Variants in SRCAP observed in about 807,000 individuals in gnomAD.
SRCAP encodes the protein Snf2 related CREBBP activator protein, also known as chromatin remodeling protein SRCAP.
A neutral mutation model predicts 263.1 loss-of-function variants in SRCAP; 46 were observed. The ratio of observed to expected loss-of-function variants is 0.17; its 90% CI spans 0.14 to 0.22. The LOEUF is 0.22. SRCAP is among the 10% of genes least tolerant of loss of function. The probability of loss-of-function intolerance (pLI) is 1.00; values close to 1 mark genes in which losing one functional copy is unlikely to be tolerated. For synonymous variants in SRCAP, 1,813 were observed against 1,662.1 expected, an observed-to-expected ratio of 1.09 and a Z score of -2.21; for missense variants, 3,695 against 4,181.9, an observed-to-expected ratio of 0.88 and a Z score of 3.21.
rs1254144161 is a variant in SRCAP at position 30,737,559 on chromosome 16, C to T, written c.7519C>T (p.Pro2507Ser). The T allele has an allele frequency of 3.7e-6, 6 of 1,613,868 alleles. No individual in the cohort carries two copies. The highest frequency in any genetic ancestry group is 2.7e-5 in the African/African-American group (2 of 74,900). ...CTGCACCCCTCCTCCTGCCTGTACCCCTCCACCAGCTCATACACCGCCTCC... is the reference window on the plus strand; with the variant it reads ...CTGCACCCCTCCTCCTGCCTGTACCTCTCCACCAGCTCATACACCGCCTCC... ...PACTPPPACT[P>S]PPAHTPPPAQ... is the part of the protein sequence containing the mutation. Residue 2507 changes from proline (P) to serine (S), a missense_variant, in exon 34 of 34, where the codon CCT (proline) becomes TCT (serine). By Grantham distance (74) the Pro-to-Ser change is moderately conservative. This residue lies in a region of SRCAP where 1,207 missense variants were observed against 1,142.9 expected (regional missense o/e 1.06). Coordinates refer to ENST00000262518, the MANE Select transcript of SRCAP (RefSeq NM_006662.3).
At chr16:30,699,524 G>T (rs766632424) in intron 1 of SRCAP, among the ~76,000 whole-genome samples, 14 of 152,184 alleles carry the variant, frequency 9.2e-5, no homozygotes, top group Non-Finnish European at 1.6e-4. Flanking sequence ...CCTGTGACCA[G>T]CCTGTTTGTT....
In SRCAP at chr16:30,709,661, G is replaced by A. The variant is rs746338184; in HGVS notation, c.782G>A (p.Gly261Asp). Residue 261 changes from glycine to aspartate, a missense_variant, in exon 7 of 34, where the codon GGC (glycine) becomes GAC (aspartate). Gly to Asp is a moderately conservative substitution (Grantham distance 94). Around this residue, in one of 12 missense-constraint regions of SRCAP, gnomAD observed 44 missense variants for 42.9 expected, o/e 1.03. Coordinates refer to ENST00000262518, the MANE Select transcript of SRCAP (RefSeq NM_006662.3). ...LNQPLTSSKA[G>D]SSPCLGSSSA... ...CAGCCATTAACCTCCAGCAAAGCAG[G>A]CTCTTCCCCTTGCCTCGGCTCTTCC... 6.2e-7 allele frequency: 1 copy of A among 1,614,152 alleles called. No individual in the cohort carries two copies. The highest frequency in any genetic ancestry group is 8.5e-7 in the Non-Finnish European group (1 of 1,180,034).
chr16:30,720,826 C>T lies in SRCAP; in HGVS notation c.3101C>T (p.Ala1034Val). 3.1e-6 allele frequency: 5 copies of T among 1,614,064 alleles called. No individual in the cohort carries two copies. Among genetic ancestry groups the T allele is most frequent in the Non-Finnish European group, 4.2e-6 (5 of 1,180,024 alleles). ...VRPPPGPELS[A>V]QPTPGPVPQV... ...CCTCCTCCAGGTCCTGAGCTCTCAG[C>T]CCAGCCCACCCCTGGCCCAGTCCCC... The change falls in exon 20 of 34, where the codon GCC becomes GTC. Residue 1034 changes from alanine (A) to valine (V), a missense_variant. Ala to Val is a moderately conservative substitution (Grantham distance 64). Transcript: ENST00000262518.
rs768710823 is a variant in SRCAP at position 30,729,449 on chromosome 16, C to T, written c.6004C>T (p.Arg2002Cys). 44 of 1,614,102 alleles carry T rather than the reference C, an allele frequency of 2.7e-5. No individual in the cohort carries two copies. Among genetic ancestry groups the T allele is most frequent in the Non-Finnish European group, 3.2e-5 (38 of 1,180,050 alleles). Reference sequence around the variant, plus strand: ...CCACCCACCTCCTTGGCTGGCCCCACGTCAGGCAGCCTTCCAGGAGCAATT... The same window carrying T: ...CCACCCACCTCCTTGGCTGGCCCCATGTCAGGCAGCCTTCCAGGAGCAATT... ...ACHPPPWLAP[R>C]QAAFQEQLAS... The change falls in exon 27 of 34, where the codon CGT becomes TGT. Residue 2002 changes from arginine (R) to cysteine (C), a missense_variant. Physicochemically the swap from Arg to Cys is radical, Grantham distance 180. Transcript: ENST00000262518.
chr16:30,707,425 T>A (rs2151286320), intron 5 of SRCAP, 57 bp downstream of exon 5: 7 of 1,602,360 alleles, frequency 4.4e-6, no homozygotes, highest in Middle Eastern at 2.0e-4. Flanking sequence ...TCCTTCCCGG[T>A]TTGTTGGAAG....
chr16:30,722,866 T>C lies in SRCAP; in HGVS notation c.3893-97T>C. On this transcript the variant is annotated intron_variant, in intron 23 of 33. Coordinates refer to ENST00000262518, the MANE Select transcript of SRCAP (RefSeq NM_006662.3). ...TGTTTTCCCTTGCGAATATCTATGATACCTGTCTGCCACCTTCTCCTGCCC... is the reference window on the plus strand; with the variant it reads ...TGTTTTCCCTTGCGAATATCTATGACACCTGTCTGCCACCTTCTCCTGCCC... 2.6e-6 allele frequency: 4 copies of C among 1,548,454 alleles called. No individual in the cohort carries two copies. In the East Asian group the frequency reaches 9.0e-5, roughly 35 times the overall value.
In SRCAP at chr16:30,737,524, C is replaced by T; in HGVS notation, c.7484C>T (p.Ser2495Phe). Reference protein sequence around the residue: ...PPPPSQIPPCSSPACTPPPAC... With the variant: ...PPPPSQIPPCFSPACTPPPAC... Reference sequence around the variant, plus strand: ...CCTCCTTCACAGATTCCTCCTTGTTCTTCTCCTGCCTGCACCCCTCCTCCT... The same window carrying T: ...CCTCCTTCACAGATTCCTCCTTGTTTTTCTCCTGCCTGCACCCCTCCTCCT... Residue 2495 changes from serine (S) to phenylalanine (F), a missense_variant, in exon 34 of 34, where the codon TCT becomes TTT. Physicochemically the swap from Ser to Phe is radical, Grantham distance 155 (BLOSUM62 -2). Transcript: ENST00000262518. The T allele has an allele frequency of 2.5e-6, 4 of 1,605,796 alleles. No individual in the cohort carries two copies. Among genetic ancestry groups the T allele is most frequent in the Non-Finnish European group, 3.4e-6 (4 of 1,172,640 alleles).
At position 30,737,931 on chromosome 16, in the gene SRCAP, A is replaced by C. The variant is rs146127771; in HGVS notation, c.7891A>C (p.Thr2631Pro). The C allele has an allele frequency of 6.2e-7, 1 of 1,614,072 alleles. No homozygotes were observed. The highest frequency in any genetic ancestry group is 1.3e-5 in the African/African-American group (1 of 75,000). ...GGAGGCACCAGATTCTGCTGAGGGGACCACCCTTACAGTGCTGCCTGAAGG... is the reference window on the plus strand; with the variant it reads ...GGAGGCACCAGATTCTGCTGAGGGGCCCACCCTTACAGTGCTGCCTGAAGG... ...EQEAPDSAEG[T>P]TLTVLPEGEE... The change falls in exon 34 of 34, where the codon ACC becomes CCC. Residue 2631 changes from threonine (T) to proline (P), a missense_variant. Around this residue, in one of 12 missense-constraint regions of SRCAP, gnomAD observed 1,207 missense variants for 1,142.9 expected, o/e 1.06. Coordinates refer to ENST00000262518, the MANE Select transcript of SRCAP (RefSeq NM_006662.3).
At position 30,707,344 on chromosome 16, in the gene SRCAP, T is replaced by C. The variant is rs768944874; in HGVS notation, c.468T>C (p.Arg156=). The part of the protein sequence containing the change: ...WLSADFAQER[R]WKRGVARKVV... ...CTGCTGACTTTGCTCAGGAGCGCCG[T>C]TGGAAACGGGGTGTGGCCCGGAAGG... Residue 156 remains arginine (R), a synonymous_variant, in exon 5 of 34, where the codon CGT becomes CGC. Coordinates refer to ENST00000262518, the MANE Select transcript of SRCAP (RefSeq NM_006662.3). The C allele has an allele frequency of 1.2e-6, 2 of 1,614,154 alleles. No individual in the cohort carries two copies. Among genetic ancestry groups the C allele is most frequent in the Admixed American group, 1.7e-5 (1 of 60,002 alleles).
At position 30,737,283 on chromosome 16, in the gene SRCAP, A is replaced by G. The variant is rs776767813; in HGVS notation, c.7243A>G (p.Ile2415Val). The G allele has an allele frequency of 6.2e-7, 1 of 1,613,966 alleles. No individual in the cohort carries two copies. Among genetic ancestry groups the G allele is most frequent in the South Asian group, 1.1e-5 (1 of 91,066 alleles). ...TCAAGGGGCAAACCACACTCCTGTC[A>G]TATCCGCCCATCAAACTCGCAGCAC... ...ETQGANHTPV[I>V]SAHQTRSTTT... The change falls in exon 34 of 34, where the codon ATA becomes GTA. Residue 2415 changes from isoleucine to valine, a missense_variant. Coordinates refer to ENST00000262518, the MANE Select transcript of SRCAP (RefSeq NM_006662.3).
At position 30,711,367 on chromosome 16, in the gene SRCAP, A is replaced by G. The variant is rs571754568; in HGVS notation, c.1319-204A>G. 2.0e-5 allele frequency among the ~76,000 whole-genome samples: 3 copies of G among 152,318 alleles called. No homozygotes were observed. The East Asian group carries it at 5.8e-4, about 29-fold the overall frequency. ...CCTTGAGAGGCTCACCAGGTTGATA[A>G]TGTTCTTCCCAATTCCCATGGTACT... On this transcript the variant is annotated intron_variant, in intron 10 of 33. Coordinates refer to ENST00000262518, the MANE Select transcript of SRCAP (RefSeq NM_006662.3).
At chr16:30,703,579 T>G (rs1315746678) in intron 3 of SRCAP, among the ~76,000 whole-genome samples, 1 of 151,978 alleles carries the variant, frequency 6.6e-6, no homozygotes, top group Non-Finnish European at 1.5e-5. Flanking sequence ...AACTTGGCTC[T>G]GCCATCTTGA....
In SRCAP at chr16:30,738,451, C is replaced by T; in HGVS notation, c.8411C>T (p.Pro2804Leu). 1 of 1,560,822 alleles carries T rather than the reference C, an allele frequency of 6.4e-7. No homozygotes were observed. Among genetic ancestry groups the T allele is most frequent in the South Asian group, 1.2e-5 (1 of 82,788 alleles). ...ATGTCAGGGCCAGAATCCTCCCCTC[C>T]CATTGGTGGGCCCTGTGAAGCTGCT... ...RSMSGPESSP[P>L]IGGPCEAAPS... The change falls in exon 34 of 34, where the codon CCC becomes CTC. Residue 2804 changes from proline (P) to leucine (L), a missense_variant. This residue lies in a region of SRCAP where 1,207 missense variants were observed against 1,142.9 expected (regional missense o/e 1.06). Transcript: ENST00000262518.
rs779332630 is a variant in SRCAP at position 30,724,143 on chromosome 16, G to C, written c.4719G>C (p.Leu1573=). Residue 1573 remains leucine, a synonymous_variant, in exon 25 of 34, where the codon CTG becomes CTC. Transcript: ENST00000262518. ...CAGCTCCAGCTCAGGCTTCCCTTCT[G>C]GCTCCAGCATCTTCTGCATCTCAGG... ...PNPAPAQASL[L]APASSASQAL... is the part of the protein sequence containing the mutation. 3 of 1,614,058 alleles carry C rather than the reference G, an allele frequency of 1.9e-6. No homozygotes were observed. The highest frequency in any genetic ancestry group is 2.5e-6 in the Non-Finnish European group (3 of 1,180,020).
Position 30,721,412 on chromosome 16 carries a change from G to A in SRCAP, c.3477G>A (p.Val1159=). 2 of 1,613,542 alleles carry A rather than the reference G, an allele frequency of 1.2e-6. No individual in the cohort carries two copies. The highest frequency in any genetic ancestry group is 1.7e-6 in the Non-Finnish European group (2 of 1,180,048). ...TTTATATTTA[V]PAPTPAPQRL... Reference sequence around the variant, plus strand: ...CGGCAACTGCTACCACCACAGCAGTGCCAGCTCCGACTCCTGCACCACAGC... The same window carrying A: ...CGGCAACTGCTACCACCACAGCAGTACCAGCTCCGACTCCTGCACCACAGC... The change falls in exon 21 of 34, where the codon GTG becomes GTA. Residue 1159 remains valine, a synonymous_variant. Transcript: ENST00000262518.
chr16:30,736,121 A>G (rs1186103126), intron 31 of SRCAP, 79 bp from the exon 32 acceptor site: 17 of 1,569,650 alleles, frequency 1.1e-5, no homozygotes, highest in Non-Finnish European at 1.5e-5. Context: ...CTTGGTCTCA[A>G]GTTCTTGCCT....
chr16:30,734,257 C>G, intron 30 of SRCAP: 1 of 629,948 alleles, frequency 1.6e-6, no homozygotes, highest in Non-Finnish European at 2.7e-6. Context: ...GCAGGAGAAT[C>G]ACTTGAACCT....
chr16:30,706,422 A>C (rs2052827960), intron 4 of SRCAP, among the ~76,000 whole-genome samples: 1 of 152,166 alleles, frequency 6.6e-6, no homozygotes, highest in African/African-American at 2.4e-5. Context: ...GAGACCCAGA[A>C]AAATCTCACT....
rs1179257480 is a variant in SRCAP at position 30,738,727 on chromosome 16, C to G, written c.8687C>G (p.Pro2896Arg). The G allele has an allele frequency of 2.5e-6, 4 of 1,614,044 alleles. No individual in the cohort carries two copies. The highest frequency in any genetic ancestry group is 3.4e-6 in the Non-Finnish European group (4 of 1,180,020). ...KGKTNGADPV[P>R]GPETLIVADP... ...AAAACCAATGGGGCTGACCCAGTCC[C>G]TGGGCCTGAGACCCTAATTGTTGCA... Residue 2896 changes from proline (P) to arginine (R), a missense_variant, in exon 34 of 34, where the codon CCT (proline) becomes CGT (arginine). Pro to Arg is a moderately radical substitution (Grantham distance 103). Around this residue, in one of 12 missense-constraint regions of SRCAP, gnomAD observed 1,207 missense variants for 1,142.9 expected, o/e 1.06. Coordinates refer to ENST00000262518, the MANE Select transcript of SRCAP (RefSeq NM_006662.3).
Sources: gnomAD v4.1 joint callset for allele counts (sites outside exome capture counted in the v4.1 genomes callset) on GRCh38, gnomAD v4.1.1 for gene constraint, gnomAD v4.1.1 regional missense constraint, MANE v1.5 for transcripts, NCBI Gene and HGNC (gene_info 2026-07-23, HGNC 2026-07-21) for gene names.